KIF26A: variants seen among roughly 807,000 people sequenced by gnomAD.
The protein encoded by KIF26A is kinesin family member 26A, also known as kinesin-like protein KIF26A.
In KIF26A, 74 loss-of-function variants were observed where a neutral mutation model predicts 126.0. The observed-to-expected ratio is 0.59, with a 90% CI of 0.49 to 0.71. The LOEUF (loss-of-function observed/expected upper bound fraction) is 0.71, where lower values mean the gene tolerates loss of function less well. KIF26A is among the 30% of genes least tolerant of loss of function. The pLI, the probability that KIF26A is intolerant of heterozygous loss-of-function variation, is 0.00. For missense variants in KIF26A, 2,984 were observed against 2,763.3 expected (o/e 1.08, Z -1.79); for synonymous variants, 1,445 against 1,232.7 (o/e 1.17, Z -3.61).
At chr14:104,143,410 A>G (rs192848109) in intron 2 of KIF26A, among the ~76,000 whole-genome samples, 9 of 152,252 alleles carry the variant, frequency 5.9e-5, no homozygotes, top group Admixed American at 1.3e-4. Context: ...GACGCTGCTC[A>G]TGGGCTTCTG....
At chr14:104,146,118 G>A (rs1391478767) in intron 2 of KIF26A, among the ~76,000 whole-genome samples, 2 of 152,202 alleles carry the variant, frequency 1.3e-5, no homozygotes, top group East Asian at 1.9e-4. Flanking sequence ...TGAGGCAGGT[G>A]TCTCAGTCTC....
intron 4 of KIF26A, among the ~76,000 whole-genome samples, chr14:104,164,342 G>A (rs2037860824): frequency 6.6e-6 from 1 of 152,194 alleles, no homozygotes; most frequent in Non-Finnish European, 1.5e-5. Context: ...CCTTCGCCGG[G>A]TGGCATCCTG....
chr14:104,160,383 G>A (rs1185826317), intron 4 of KIF26A, among the ~76,000 whole-genome samples: 2 of 152,178 alleles, frequency 1.3e-5, no homozygotes, highest in Admixed American at 1.3e-4. Context: ...GTGGCCTCTG[G>A]GCTCCTTATG....
chr14:104,180,495 A>C lies in KIF26A; in HGVS notation c.*705A>C, dbSNP rs748637264. 1 of 152,310 alleles carries C rather than the reference A, an allele frequency of 6.6e-6. No individual in the cohort carries two copies. Among genetic ancestry groups the C allele is most frequent in the Non-Finnish European group, 1.5e-5 (1 of 68,084 alleles). The allele number at this position is 152,310 out of a possible 1,614,324, so 9.4% of individuals were successfully genotyped here. On this transcript the variant is annotated 3_prime_UTR_variant, in exon 15 of 15. Coordinates refer to ENST00000423312, the MANE Select transcript of KIF26A (RefSeq NM_015656.2). ...AAAACAAAACAGACCACCACGACCA[A>C]CAACAAAGATGGGGGGTAGGGTTTT...
intron 2 of KIF26A, among the ~76,000 whole-genome samples, chr14:104,146,000 G>T (rs1403605468): frequency 6.6e-6 from 1 of 152,220 alleles, no homozygotes; most frequent in Non-Finnish European, 1.5e-5. Flanking sequence ...CAGCCCAGAG[G>T]CTCCCCAAGA....
intron 2 of KIF26A, among the ~76,000 whole-genome samples, chr14:104,146,547 G>A (rs1326014462): frequency 7.3e-5 from 11 of 151,158 alleles, no homozygotes; most frequent in Admixed American, 6.6e-4. Context: ...GGCGACCACC[G>A]CAGATCCTCT....
At chr14:104,178,198 G>A (rs563192464) in intron 12 of KIF26A, among the ~76,000 whole-genome samples, 3 of 152,204 alleles carry the variant, frequency 2.0e-5, no homozygotes, top group Non-Finnish European at 2.9e-5. Context: ...TGCACAGGTC[G>A]CCAGGCTGGG....
chr14:104,169,668 C>G (rs1476868206), intron 5 of KIF26A, among the ~76,000 whole-genome samples: 1 of 152,242 alleles, frequency 6.6e-6, no homozygotes, highest in Non-Finnish European at 1.5e-5. Context: ...CATTAATGTG[C>G]TACTTAAGAT....
At chr14:104,139,014 C>T (rs906367154) in intron 1 of KIF26A, 29 bp from the exon 2 acceptor site, 4 of 1,329,528 alleles carry the variant, frequency 3.0e-6, no homozygotes, top group Admixed American at 4.2e-5. Context: ...CCCAGGCTCA[C>T]TGTCCGCTTC....
At chr14:104,141,065 G>C (rs1469166036) in intron 2 of KIF26A, among the ~76,000 whole-genome samples, 2 of 152,236 alleles carry the variant, frequency 1.3e-5, no homozygotes, top group Admixed American at 1.3e-4. Flanking sequence ...GGGTGTCATT[G>C]TCCTGTCCCC....
Position 104,174,268 on chromosome 14 carries a change from G to A in KIF26A, c.2151G>A (p.Gln717=). ...ACGCAGAGACACTCAGCACCGTGCA[G>A]CTCGCCGCCCGCATCCACCGCCTGC... ...AQHAETLSTV[Q]LAARIHRLRR... The change falls in exon 11 of 15, where the codon CAG becomes CAA. Residue 717 remains glutamine (Q), a synonymous_variant. Coordinates refer to ENST00000423312, the MANE Select transcript of KIF26A (RefSeq NM_015656.2). 1 of 1,564,534 alleles carries A rather than the reference G, an allele frequency of 6.4e-7. No homozygotes were observed. The highest frequency in any genetic ancestry group is 8.7e-7 in the Non-Finnish European group (1 of 1,155,710).
rs764659630 is a variant in KIF26A at position 104,173,504 on chromosome 14, C to T, written c.1858C>T (p.Arg620Trp). ...VYQYRMEKCG[R>W]GGMSGGRSRL... The stretch of plus-strand genomic sequence containing the variant: ...CCAGTACCGCATGGAGAAGTGCGGC[C>T]GGGGAGGAAGTAGGTGCCACACCCG... The change falls in exon 9 of 15, where the codon CGG becomes TGG. Residue 620 changes from arginine to tryptophan, a missense_variant. By Grantham distance (101) the Arg-to-Trp change is moderately radical (BLOSUM62 -3). Transcript: ENST00000423312. The T allele has an allele frequency of 1.4e-5, 22 of 1,560,392 alleles. No homozygotes were observed. Among genetic ancestry groups the T allele is most frequent in the South Asian group, 5.9e-5 (5 of 84,736 alleles).
intron 2 of KIF26A, among the ~76,000 whole-genome samples, chr14:104,141,448 A>T (rs932661856): frequency 1.3e-5 from 2 of 152,204 alleles, no homozygotes; most frequent in African/African-American, 4.8e-5. Flanking sequence ...AAGTGGAGAG[A>T]CTTGCTGGGA....
chr14:104,165,291 C>G (rs2037877305), intron 4 of KIF26A, among the ~76,000 whole-genome samples: 1 of 149,692 alleles, frequency 6.7e-6, no homozygotes. Flanking sequence ...GTGTGTGTCT[C>G]TGTATGCATG....
Position 104,175,622 on chromosome 14 carries a change from G to A in KIF26A, c.2834G>A (p.Arg945Lys). ...VPEKAAVSGGRRPLPSPAPPP... is the reference protein window; with the variant it reads ...VPEKAAVSGGKRPLPSPAPPP... The stretch of plus-strand genomic sequence containing the variant: ...GAAAAGGCTGCAGTGAGTGGAGGCA[G>A]GAGGCCACTGCCCAGCCCGGCTCCC... The change falls in exon 12 of 15, where the codon AGG becomes AAG. Residue 945 changes from arginine (R) to lysine (K), a missense_variant. Transcript: ENST00000423312. 6.2e-7 allele frequency: 1 copy of A among 1,610,988 alleles called. No homozygotes were observed. Among genetic ancestry groups the A allele is most frequent in the Non-Finnish European group, 8.5e-7 (1 of 1,179,682 alleles).
At chr14:104,155,321 C>A (rs1469723939) in intron 3 of KIF26A, among the ~76,000 whole-genome samples, 1 of 152,208 alleles carries the variant, frequency 6.6e-6, no homozygotes, top group Non-Finnish European at 1.5e-5. Flanking sequence ...CTAAACTGTG[C>A]TCCACGGAAC....
rs899097594 is a variant in KIF26A, at chr14:104,176,882, C to A, written c.4094C>A (p.Pro1365His). ...RPSGAAPPAP[P>H]TRKSSLEQRS... Reference sequence around the variant, plus strand: ...AGTGGGGCGGCCCCCCCGGCCCCACCCACGCGGAAGTCCAGCCTGGAGCAG... The same window carrying A: ...AGTGGGGCGGCCCCCCCGGCCCCACACACGCGGAAGTCCAGCCTGGAGCAG... The change falls in exon 12 of 15, where the codon CCC (proline) becomes CAC (histidine). Residue 1365 changes from proline (P) to histidine (H), a missense_variant. Physicochemically the swap from Pro to His is moderately conservative, Grantham distance 77. Coordinates refer to ENST00000423312, the MANE Select transcript of KIF26A (RefSeq NM_015656.2). 6.5e-7 allele frequency: 1 copy of A among 1,542,410 alleles called. No individual in the cohort carries two copies. The highest frequency in any genetic ancestry group is 8.7e-7 in the Non-Finnish European group (1 of 1,145,680).
chr14:104,139,269 G>A lies in KIF26A; in HGVS notation c.269G>A (p.Gly90Glu). The A allele has an allele frequency of 6.5e-7, 1 of 1,527,352 alleles. No individual in the cohort carries two copies. The highest frequency in any genetic ancestry group is 8.8e-7 in the Non-Finnish European group (1 of 1,138,764). The allele number at this position is 1,527,352 out of a possible 1,614,324, so 94.6% of individuals were successfully genotyped here. ...CGACAGGCGTGGAAGCTGGTCAGCG[G>A]GCCCGGGACCACCCTCCGGGTAAGT... The part of the protein sequence containing the change: ...LKRQAWKLVS[G>E]PGTTLRDPCL... The change falls in exon 2 of 15, where the codon GGG becomes GAG. Residue 90 changes from glycine (G) to glutamate (E), a missense_variant. Transcript: ENST00000423312.
At chr14:104,167,637 C>T (rs75514218) in intron 5 of KIF26A, among the ~76,000 whole-genome samples, 6,559 of 152,234 alleles carry the variant, frequency 0.043, 182 homozygotes, top group Non-Finnish European at 0.063. Context: ...ATCCGAGTCT[C>T]GGAGAAATAC....
Sources: allele counts gnomAD v4.1 joint callset (sites outside exome capture counted in the v4.1 genomes callset), GRCh38; gene constraint gnomAD v4.1.1; transcripts MANE v1.5; gene names NCBI Gene and HGNC (gene_info 2026-07-23, HGNC 2026-07-21).